SPTB: variants seen among roughly 807,000 people sequenced by gnomAD.
SPTB encodes the protein spectrin beta, erythrocytic.
Under a neutral mutation model 256.2 loss-of-function variants are expected in SPTB, and 45 were observed. The ratio of observed to expected loss-of-function variants is 0.18; its 90% CI spans 0.14 to 0.23. The LOEUF (loss-of-function observed/expected upper bound fraction) is 0.23. Ranked by LOEUF, SPTB falls within the 10% of genes least tolerant of loss-of-function variation. The pLI, the probability that SPTB is intolerant of heterozygous loss-of-function variation, is 1.00. For synonymous variants in SPTB, 1,231 were observed against 1,243.1 expected (o/e 0.99, Z 0.21); for missense variants, 2,715 against 3,040.4 (o/e 0.89, Z 2.52).
rs1423840469 is a variant in SPTB, at chr14:64,853,293, A to G, written c.-52+26499T>C. 1.3e-5 allele frequency among the ~76,000 whole-genome samples: 2 copies of G among 152,234 alleles called. No individual in the cohort carries two copies. Among genetic ancestry groups the G allele is most frequent in the Admixed American group, 6.5e-5 (1 of 15,288 alleles). ...GTAGCAGGAACACCAAAAGGGGCCAAGATTGTCCCCAAAGAGGGTTTAGGC... is the reference window on the plus strand; with the variant it reads ...GTAGCAGGAACACCAAAAGGGGCCAGGATTGTCCCCAAAGAGGGTTTAGGC... On this transcript the variant is annotated intron_variant, in intron 1 of 35. Transcript: ENST00000644917. The surrounding 1 kb of genome is among the most constrained non-coding windows in gnomAD (Gnocchi z 4.3).
At chr14:64,828,588 A>G (rs2083407510) in intron 1 of SPTB, among the ~76,000 whole-genome samples, 1 of 152,344 alleles carries the variant, frequency 6.6e-6, no homozygotes, top group Admixed American at 6.5e-5. Context: ...TAGCAACCTA[A>G]TAGTTTTCAA....
At chr14:64,757,983 C>T (rs1275966040) in intron 32 of SPTB, among the ~76,000 whole-genome samples, 3 of 152,086 alleles carry the variant, frequency 2.0e-5, no homozygotes, top group African/African-American at 7.2e-5. Flanking sequence ...GTCAGACAGG[C>T]CTGGAGTGAG....
rs1202759396 is a variant in SPTB, at chr14:64,767,362, G to A, written c.6220-10C>T. 2 of 1,614,008 alleles carry A rather than the reference G, an allele frequency of 1.2e-6. No individual in the cohort carries two copies. On this transcript the variant is annotated splice_polypyrimidine_tract_variant and intron_variant, in intron 30 of 35. Transcript: ENST00000644917. ...GTTCTTTCAGCTCAAGCTAGAGGAG[G>A]AGAAGGCCCAGGGGTCAGAGCAGCC...
rs192618182 is a variant in SPTB at position 64,767,337 on chromosome 14, G to C, written c.6235C>G (p.Arg2079Gly). Reference protein sequence around the residue: ...EKPTTLELKERQIAERPAEET... With the variant: ...EKPTTLELKEGQIAERPAEET... ...TCTGCGGGTCTCTCTGCAATCTGGC[G>C]TTCTTTCAGCTCAAGCTAGAGGAGG... The change falls in exon 31 of 36, where the codon CGC becomes GGC. Residue 2079 changes from arginine (R) to glycine (G), a missense_variant. By Grantham distance (125) the Arg-to-Gly change is moderately radical. Around this residue, in one of 4 missense-constraint regions of SPTB, gnomAD observed 2,239 missense variants for 2,384.4 expected, o/e 0.94. Transcript: ENST00000644917. The C allele has an allele frequency of 1.9e-6, 3 of 1,613,936 alleles. No homozygotes were observed. The highest frequency in any genetic ancestry group is 1.7e-5 in the Admixed American group (1 of 60,000).
chr14:64,781,110 C>G (rs974561444), intron 20 of SPTB, among the ~76,000 whole-genome samples: 2 of 152,148 alleles, frequency 1.3e-5, no homozygotes, highest in African/African-American at 4.8e-5. Context: ...AAACCCAAAA[C>G]TATAAAAGGC....
At chr14:64,803,544 G>A in intron 4 of SPTB, 63 bp downstream of exon 4, 4 of 1,601,096 alleles carry the variant, frequency 2.5e-6, no homozygotes, top group Non-Finnish European at 3.4e-6. Context: ...CATTTTATAA[G>A]ATTCTAAGGC....
intron 1 of SPTB, among the ~76,000 whole-genome samples, chr14:64,857,218 G>A (rs2083887662): frequency 6.6e-6 from 1 of 152,020 alleles, no homozygotes; most frequent in African/African-American, 2.4e-5. Context: ...GAAAGCCTTT[G>A]GTGCATATTT....
At position 64,749,569 on chromosome 14, in the gene SPTB, C is replaced by A; in HGVS notation, c.6819+85G>T. The A allele has an allele frequency of 6.2e-7, 1 of 1,606,252 alleles. No homozygotes were observed. The highest frequency in any genetic ancestry group is 8.5e-7 in the Non-Finnish European group (1 of 1,179,150). ...GTGGGGGCTCTTGGGACTGCCCCTT[C>A]TGAGGGGGCCTCCAGGGCAAGCGGC... is the stretch of plus-strand genomic sequence containing the variant. On this transcript the variant is annotated intron_variant, in intron 35 of 35. Transcript: ENST00000644917. The surrounding 1 kb of genome is among the most constrained non-coding windows in gnomAD (Gnocchi z 4.7).
At chr14:64,836,669 G>A (rs970049968) in intron 1 of SPTB, among the ~76,000 whole-genome samples, 1 of 152,134 alleles carries the variant, frequency 6.6e-6, no homozygotes, top group Non-Finnish European at 1.5e-5. Context: ...ATCCTACTTC[G>A]AAACAAACTT....
intron 27 of SPTB, among the ~76,000 whole-genome samples, chr14:64,770,163 A>T (rs1240818701): frequency 2.0e-5 from 3 of 152,222 alleles, no homozygotes; most frequent in African/African-American, 4.8e-5. Flanking sequence ...GTTTCCAGGG[A>T]CTAGGAAGAG....
chr14:64,854,249 A>G (rs1276289382), intron 1 of SPTB, among the ~76,000 whole-genome samples: 1 of 151,354 alleles, frequency 6.6e-6, no homozygotes, highest in Non-Finnish European at 1.5e-5. Flanking sequence ...TCACCGGGCA[A>G]AAACAGTCAA....
chr14:64,808,976 C>T (rs2083037807), intron 2 of SPTB, among the ~76,000 whole-genome samples: 1 of 152,026 alleles, frequency 6.6e-6, no homozygotes, highest in Non-Finnish European at 1.5e-5. Context: ...AAGGCCAAAG[C>T]TAGGCCGGGC....
Position 64,750,123 on chromosome 14 carries a change from T to C in SPTB, c.6634A>G (p.Asn2212Asp), listed in dbSNP as rs2081922089. 1 of 1,614,144 alleles carries C rather than the reference T, an allele frequency of 6.2e-7. No homozygotes were observed. The highest frequency in any genetic ancestry group is 1.6e-4 in the Middle Eastern group (1 of 6,062). Residue 2212 changes from asparagine (N) to aspartate (D), a missense_variant, in exon 34 of 36, where the codon AAC (asparagine) becomes GAC (aspartate). Physicochemically the swap from Asn to Asp is conservative, Grantham distance 23 (BLOSUM62 1). Around this residue, in one of 4 missense-constraint regions of SPTB, gnomAD observed 2,239 missense variants for 2,384.4 expected, o/e 0.94. Transcript: ENST00000644917. Reference protein sequence around the residue: ...SWNNLYCVLRNSELTFYKDAK... With the variant: ...SWNNLYCVLRDSELTFYKDAK... ...TCCTTGTAGAAGGTTAGCTCACTGT[T>C]CCTGAGCACACAGTACAGGTTGTTC...
At chr14:64,776,843 T>A (rs760108525) in intron 22 of SPTB, among the ~76,000 whole-genome samples, 1 of 152,216 alleles carries the variant, frequency 6.6e-6, no homozygotes, top group Non-Finnish European at 1.5e-5. Flanking sequence ...TCAACAACTA[T>A]GTATTAAGTT....
intron 1 of SPTB, among the ~76,000 whole-genome samples, chr14:64,837,791 G>C (rs2083547680): frequency 6.6e-6 from 1 of 152,114 alleles, no homozygotes; most frequent in African/African-American, 2.4e-5. Context: ...AGTAGAGACA[G>C]AGTTTCACCA....
rs2083375322 is a variant in SPTB at position 64,826,143 on chromosome 14, T to C, written c.-51-2998A>G. 2.6e-5 allele frequency among the ~76,000 whole-genome samples: 4 copies of C among 152,108 alleles called. No individual in the cohort carries two copies. The highest frequency in any genetic ancestry group is 6.5e-5 in the Admixed American group (1 of 15,278). ...CATTCCATCAGAGTCAAGGGGGTCATGGGATGGGCCAGTGCATGCAGGAAG... is the reference window on the plus strand; with the variant it reads ...CATTCCATCAGAGTCAAGGGGGTCACGGGATGGGCCAGTGCATGCAGGAAG... On this transcript the variant is annotated intron_variant, in intron 1 of 35. Transcript: ENST00000644917. The surrounding 1 kb of genome is among the most constrained non-coding windows in gnomAD (Gnocchi z 4.4).
At chr14:64,830,332 G>GTAT (rs1466464169) in intron 1 of SPTB, among the ~76,000 whole-genome samples, 3 of 110,632 alleles carry the variant, frequency 2.7e-5, no homozygotes, top group Non-Finnish European at 5.6e-5. Flanking sequence ...AAACTCTGGA[G>GTAT]TCTTATTATT....
Position 64,791,864 on chromosome 14 carries a change from G to C in SPTB, c.2667-8C>G. 4 of 1,614,132 alleles carry C rather than the reference G, an allele frequency of 2.5e-6. No individual in the cohort carries two copies. The highest frequency in any genetic ancestry group is 3.4e-6 in the Non-Finnish European group (4 of 1,180,014). ...TGGTCCAGGATGTCGAACCTGATAT[G>C]GGCAAAGGAAAATATGAGGATGGGT... is the stretch of plus-strand genomic sequence containing the variant. On this transcript the variant is annotated splice_polypyrimidine_tract_variant and splice_region_variant and intron_variant, in intron 14 of 35. Transcript: ENST00000644917.
intron 32 of SPTB, among the ~76,000 whole-genome samples, chr14:64,763,453 C>A (rs1404523018): frequency 6.6e-6 from 1 of 152,224 alleles, no homozygotes; most frequent in Non-Finnish European, 1.5e-5. Context: ...TACCTGAGAC[C>A]AGCCAGGTAC....
Sources: allele counts gnomAD v4.1 joint callset (sites outside exome capture counted in the v4.1 genomes callset), GRCh38; gene constraint gnomAD v4.1.1; regional missense constraint gnomAD v4.1.1; non-coding constraint Gnocchi (gnomAD v3.1); transcripts MANE v1.5; gene names NCBI Gene and HGNC (gene_info 2026-07-23, HGNC 2026-07-21).